TRAM2: variants seen among roughly 807,000 people sequenced by gnomAD.
The protein encoded by TRAM2 is translocation associated membrane protein 2.
Under a neutral mutation model 51.0 loss-of-function variants are expected in TRAM2, and 12 were observed. That is an observed-to-expected ratio of 0.24 (90% CI 0.15 to 0.38). The LOEUF (loss-of-function observed/expected upper bound fraction) is 0.38. Among genes scored for constraint, TRAM2 ranks in the 10% least tolerant of loss-of-function variants. The probability of loss-of-function intolerance (pLI) is 1.00; values close to 1 mark genes in which losing one functional copy is unlikely to be tolerated. For synonymous variants in TRAM2, 175 were observed against 179.4 expected (o/e 0.98, Z 0.20); for missense variants, 361 against 462.0 (o/e 0.78, Z 2.00).
At chr6:52,509,166 G>C (rs1049019278) in intron 5 of TRAM2, among the ~76,000 whole-genome samples, 2 of 152,228 alleles carry the variant, frequency 1.3e-5, no homozygotes, top group African/African-American at 2.4e-5. Flanking sequence ...CACTGGCTCT[G>C]ACAGACCACC....
chr6:52,558,341 A>C (rs1178987810), intron 1 of TRAM2, among the ~76,000 whole-genome samples: 1 of 151,796 alleles, frequency 6.6e-6, no homozygotes, highest in Non-Finnish European at 1.5e-5. Context: ...GTACCTCACC[A>C]CTCTGGCCAT....
At chr6:52,564,956 G>A (rs1209498053) in intron 1 of TRAM2, among the ~76,000 whole-genome samples, 1 of 152,106 alleles carries the variant, frequency 6.6e-6, no homozygotes, top group African/African-American at 2.4e-5. Context: ...TTGGAGTGCA[G>A]GGTGCATGAA....
Position 52,500,999 on chromosome 6 carries a change from G to C in TRAM2, c.*2198C>G, listed in dbSNP as rs931181635. The C allele has an allele frequency of 6.6e-6, 1 of 152,242 alleles. No individual in the cohort carries two copies. The highest frequency in any genetic ancestry group is 1.5e-5 in the Non-Finnish European group (1 of 68,072). The allele number at this position is 152,242 out of a possible 1,614,324, so 9.4% of individuals were successfully genotyped here. Reference sequence around the variant, plus strand: ...AGGTGGGCTTAGGAGGCTGCTGGCTGAACATGCGATTTGCAGTTATTAGGC... The same window carrying C: ...AGGTGGGCTTAGGAGGCTGCTGGCTCAACATGCGATTTGCAGTTATTAGGC... On this transcript the variant is annotated 3_prime_UTR_variant, in exon 11 of 11. Coordinates refer to ENST00000182527, the MANE Select transcript of TRAM2 (RefSeq NM_012288.4).
rs1427518132 is a variant in TRAM2, at chr6:52,499,763, TGG to T, written c.*3432_*3433del. ...GTGTCTATTGGGGTTTCTTAAATGT[TGG>T]GAAGTTATGCCTTGGGACATGAACA... On this transcript the variant is annotated 3_prime_UTR_variant, in exon 11 of 11. Transcript: ENST00000182527. 2.0e-5 allele frequency: 3 copies of T among 152,280 alleles called. No individual in the cohort carries two copies. The East Asian group carries it at 5.8e-4, about 29-fold the overall frequency. 9.4% of individuals were successfully genotyped at this position (152,280 alleles called of 1,614,324 possible).
intron 4 of TRAM2, 70 bp from the exon 5 acceptor site, chr6:52,509,656 C>T: frequency 6.8e-7 from 1 of 1,473,998 alleles, no homozygotes; most frequent in Non-Finnish European, 9.5e-7. Context: ...TGGGACCGGT[C>T]CAGGGGTCAG....
intron 9 of TRAM2, among the ~76,000 whole-genome samples, chr6:52,505,242 A>C (rs1018902032): frequency 5.9e-5 from 9 of 152,216 alleles, no homozygotes; most frequent in Non-Finnish European, 1.0e-4. Context: ...CTGCCACAGG[A>C]GGCCACTGGC....
rs1258987084 is a variant in TRAM2, at chr6:52,509,527, C to T, written c.470+1G>A. On this transcript the variant is annotated splice_donor_variant, in intron 5 of 10. Transcript: ENST00000182527. LOFTEE classifies it high-confidence loss of function. The stretch of plus-strand genomic sequence containing the variant: ...TGGGGCTGAGTCAACAGAATACTCA[C>T]GGGAGGTGCACATGCGGGTAGTCTT... The T allele has an allele frequency of 2.5e-6, 4 of 1,613,856 alleles. No homozygotes were observed. Among genetic ancestry groups the T allele is most frequent in the Non-Finnish European group, 3.4e-6 (4 of 1,179,926 alleles).
intron 8 of TRAM2, 126 bp downstream of exon 8, chr6:52,505,906 C>T (rs912615431): frequency 4.6e-5 from 64 of 1,383,996 alleles, no homozygotes; most frequent in Non-Finnish European, 5.6e-5. Flanking sequence ...AAAAAAATAA[C>T]GGGAGGGCAC....
chr6:52,503,752 G>T (rs942090890), intron 10 of TRAM2, among the ~76,000 whole-genome samples: 2 of 152,174 alleles, frequency 1.3e-5, no homozygotes, highest in African/African-American at 2.4e-5. Context: ...TAGGAACAAG[G>T]CCTCAAGCAG....
rs139250588 is a variant in TRAM2, at chr6:52,551,049, G to A, written c.121-15203C>T. Among the ~76,000 whole-genome samples, 56 of 152,282 alleles carry A rather than the reference G, an allele frequency of 3.7e-4. 1 individual carries two copies. Among genetic ancestry groups the A allele is most frequent in the Non-Finnish European group, 1.0e-4 (7 of 68,016 alleles). On this transcript the variant is annotated intron_variant, in intron 1 of 10. Coordinates refer to ENST00000182527, the MANE Select transcript of TRAM2 (RefSeq NM_012288.4). ...TCTTTAGGCATGACACCCTGGGACT[G>A]GCTTCTCACAAACTCAGATCAAGAT...
chr6:52,535,334 G>T (rs1327218383), intron 2 of TRAM2, among the ~76,000 whole-genome samples: 1 of 152,192 alleles, frequency 6.6e-6, no homozygotes, highest in Non-Finnish European at 1.5e-5. Context: ...GGTTAATGCT[G>T]CACCACTGCA....
chr6:52,576,727 C>CA, intron 1 of TRAM2, 69 bp downstream of exon 1: 1 of 1,570,610 alleles, frequency 6.4e-7, no homozygotes, highest in South Asian at 1.2e-5. Flanking sequence ...CGCTGACCTG[C>CA]AGGGGTGTGC....
At chr6:52,510,518 C>T (rs969646806) in intron 4 of TRAM2, among the ~76,000 whole-genome samples, 6 of 152,166 alleles carry the variant, frequency 3.9e-5, no homozygotes, top group African/African-American at 1.4e-4. Context: ...AAGATGGTGC[C>T]TTGGGAGGTG....
chr6:52,565,999 T>G (rs981120722), intron 1 of TRAM2, among the ~76,000 whole-genome samples: 1 of 152,168 alleles, frequency 6.6e-6, no homozygotes, highest in African/African-American at 2.4e-5. Flanking sequence ...AAACAAAAGA[T>G]AGAGGGAAAA....
intron 2 of TRAM2, chr6:52,523,811 T>G (rs1215299870): frequency 6.6e-6 from 1 of 152,272 alleles, no homozygotes; most frequent in Non-Finnish European, 1.5e-5. Flanking sequence ...CAACCCATGT[T>G]GTTTTATCTA....
At chr6:52,503,427 T>G (rs1374111737) in intron 10 of TRAM2, among the ~76,000 whole-genome samples, 157 bp from the exon 11 acceptor site, 2 of 152,118 alleles carry the variant, frequency 1.3e-5, no homozygotes, top group Admixed American at 6.5e-5. Context: ...GCACAGCAAA[T>G]GCAAGCCAGC....
At chr6:52,522,025 A>G (rs1766686194) in intron 2 of TRAM2, among the ~76,000 whole-genome samples, 4 of 152,242 alleles carry the variant, frequency 2.6e-5, no homozygotes, top group African/African-American at 9.6e-5. Context: ...GCTGCTTTCA[A>G]TACAGAGGCC....
At chr6:52,564,057 T>C (rs1562489587) in intron 1 of TRAM2, among the ~76,000 whole-genome samples, 1 of 152,092 alleles carries the variant, frequency 6.6e-6, no homozygotes, top group Non-Finnish European at 1.5e-5. Context: ...AAGCTTCAAA[T>C]GACCACCAGC....
At chr6:52,509,504 G>C in intron 5 of TRAM2, 24 bp downstream of exon 5, 1 of 1,611,364 alleles carries the variant, frequency 6.2e-7, no homozygotes, top group African/African-American at 1.3e-5. Context: ...CTCCTCCCTG[G>C]GGCTGAGTCA....
Sources: gnomAD v4.1 joint callset for allele counts (sites outside exome capture counted in the v4.1 genomes callset) on GRCh38, gnomAD v4.1.1 for gene constraint, MANE v1.5 for transcripts, NCBI Gene and HGNC (gene_info 2026-07-23, HGNC 2026-07-21) for gene names.